Variants in GPR158 observed in about 807,000 individuals in gnomAD.
GPR158 encodes the protein metabotropic glycine receptor.
Under a neutral mutation model 78.2 loss-of-function variants are expected in GPR158, and 30 were observed. The observed-to-expected ratio is 0.38, with a 90% CI of 0.29 to 0.52. The LOEUF is 0.52. Among genes scored for constraint, GPR158 ranks in the 20% least tolerant of loss-of-function variants. The pLI is 0.83. For synonymous variants in GPR158, 581 were observed against 591.1 expected, an observed-to-expected ratio of 0.98 and a Z score of 0.25; for missense variants, 1,463 against 1,523.5, an observed-to-expected ratio of 0.96 and a Z score of 0.66.
In GPR158 at chr10:25,530,844, G is replaced by T. The variant is rs1443464902; in HGVS notation, c.1405-20132G>T. ...CAGTACTAAGCCCTTTTCCAGCCTT[G>T]TGTCAGCTCTCTGGTCTGCTGGAGA... is the stretch of plus-strand genomic sequence containing the variant. On this transcript the variant is annotated intron_variant, in intron 5 of 10. Transcript: ENST00000376351. Among the ~76,000 whole-genome samples, 4 of 152,152 alleles carry T rather than the reference G, an allele frequency of 2.6e-5. 1 individual carries two copies. Among genetic ancestry groups the T allele is most frequent in the South Asian group, 4.1e-4 (2 of 4,830 alleles).
At chr10:25,262,875 T>C (rs894126968) in intron 2 of GPR158, among the ~76,000 whole-genome samples, 4 of 152,230 alleles carry the variant, frequency 2.6e-5, no homozygotes, top group Non-Finnish European at 1.5e-5. Flanking sequence ...TGTGTATTCT[T>C]TGCCTATTTT....
At chr10:25,206,098 G>A (rs1853025542) in intron 1 of GPR158, among the ~76,000 whole-genome samples, 1 of 150,926 alleles carries the variant, frequency 6.6e-6, no homozygotes, top group Admixed American at 6.6e-5. Flanking sequence ...CCATTCTCCT[G>A]CCTCAGCCTC....
chr10:25,507,718 T>G (rs1836031726), intron 5 of GPR158, among the ~76,000 whole-genome samples: 1 of 152,176 alleles, frequency 6.6e-6, no homozygotes, highest in Non-Finnish European at 1.5e-5. Context: ...TATTTTAAAA[T>G]AAAATTATCA....
intron 5 of GPR158, among the ~76,000 whole-genome samples, chr10:25,517,600 A>G (rs1268259146): frequency 6.6e-6 from 1 of 152,074 alleles, no homozygotes; most frequent in African/African-American, 2.4e-5. Flanking sequence ...GAATTTTGTC[A>G]AAGGCCTTTT....
At chr10:25,266,640 T>C (rs1408210453) in intron 2 of GPR158, among the ~76,000 whole-genome samples, 1 of 152,168 alleles carries the variant, frequency 6.6e-6, no homozygotes. Flanking sequence ...TTCCTTTTTT[T>C]TTGTGCTGTA....
At chr10:25,570,346 C>T (rs189627302) in intron 6 of GPR158, among the ~76,000 whole-genome samples, 13 of 152,300 alleles carry the variant, frequency 8.5e-5, no homozygotes, top group African/African-American at 2.9e-4. Context: ...ATTTAAAACA[C>T]AAATAATTAC....
chr10:25,202,393 T>C (rs1852944064), intron 1 of GPR158, among the ~76,000 whole-genome samples: 1 of 152,098 alleles, frequency 6.6e-6, no homozygotes, highest in Non-Finnish European at 1.5e-5. Flanking sequence ...CCTAATGCTA[T>C]CTCTACCCAC....
chr10:25,272,370 T>C (rs1231692351), intron 2 of GPR158, among the ~76,000 whole-genome samples: 1 of 152,214 alleles, frequency 6.6e-6, no homozygotes, highest in African/African-American at 2.4e-5. Flanking sequence ...ATAATAGAAA[T>C]AGTATAATGT....
At chr10:25,547,121 T>C (rs1315575482) in intron 5 of GPR158, among the ~76,000 whole-genome samples, 6 of 152,110 alleles carry the variant, frequency 3.9e-5, no homozygotes, top group African/African-American at 9.7e-5. Context: ...GAATAAGAAA[T>C]AGGAAAATGT....
At position 25,250,810 on chromosome 10, in the gene GPR158, C is replaced by A. The variant is rs909853550; in HGVS notation, c.1008+29653C>A. On this transcript the variant is annotated intron_variant, in intron 2 of 10. Transcript: ENST00000376351. ...TTCTGTTGATTTGGGGTGGAGAGTTCTGTAGATGTCTATTAGGTCCGCTTG... is the reference window on the plus strand; with the variant it reads ...TTCTGTTGATTTGGGGTGGAGAGTTATGTAGATGTCTATTAGGTCCGCTTG... 8.5e-4 allele frequency among the ~76,000 whole-genome samples: 128 copies of A among 149,844 alleles called. 1 individual carries two copies. Among genetic ancestry groups the A allele is most frequent in the Non-Finnish European group, 7.8e-4 (53 of 67,800 alleles).
At chr10:25,494,223 A>G (rs910910958) in intron 5 of GPR158, among the ~76,000 whole-genome samples, 1 of 152,192 alleles carries the variant, frequency 6.6e-6, no homozygotes, top group African/African-American at 2.4e-5. Flanking sequence ...GTGTAATAGT[A>G]TTGCTAAATA....
At chr10:25,245,959 A>G (rs1240982299) in intron 2 of GPR158, among the ~76,000 whole-genome samples, 1 of 152,236 alleles carries the variant, frequency 6.6e-6, no homozygotes, top group Non-Finnish European at 1.5e-5. Context: ...TCTTTGCTAT[A>G]AAATAGAATT....
chr10:25,419,784 C>T (rs866565586), intron 4 of GPR158, among the ~76,000 whole-genome samples: 2 of 152,050 alleles, frequency 1.3e-5, no homozygotes, highest in South Asian at 2.1e-4. Context: ...TTTTCATGTG[C>T]CATGAGCCAT....
intron 6 of GPR158, among the ~76,000 whole-genome samples, chr10:25,568,576 AG>A (rs1836963382): frequency 6.6e-6 from 1 of 152,196 alleles, no homozygotes; most frequent in African/African-American, 2.4e-5. Flanking sequence ...TAGCTCTTGG[AG>A]GAAGGTCATG....
At chr10:25,232,037 G>C (rs955670000) in intron 2 of GPR158, among the ~76,000 whole-genome samples, 17 of 152,078 alleles carry the variant, frequency 1.1e-4, no homozygotes, top group African/African-American at 3.9e-4. Context: ...AGACTTTCTT[G>C]ATCTTTTCAA....
intron 2 of GPR158, among the ~76,000 whole-genome samples, chr10:25,373,278 G>A (rs1834028323): frequency 1.3e-5 from 2 of 151,862 alleles, no homozygotes; most frequent in Non-Finnish European, 2.9e-5. Context: ...AGACACTGGG[G>A]CCCACTGGAA....
chr10:25,538,583 C>A (rs1836532230), intron 5 of GPR158, among the ~76,000 whole-genome samples: 2 of 152,104 alleles, frequency 1.3e-5, no homozygotes, highest in South Asian at 4.1e-4. Context: ...GCCTCGAACT[C>A]CTGGCCGTAA....
intron 2 of GPR158, among the ~76,000 whole-genome samples, chr10:25,288,315 G>C (rs1358912969): frequency 1.3e-5 from 2 of 152,186 alleles, no homozygotes; most frequent in African/African-American, 4.8e-5. Context: ...GGGTACTTCA[G>C]AATTCTGAAG....
At chr10:25,513,404 G>T (rs1836111979) in intron 5 of GPR158, among the ~76,000 whole-genome samples, 1 of 151,266 alleles carries the variant, frequency 6.6e-6, no homozygotes, top group East Asian at 1.9e-4. Context: ...AGCTTATTTG[G>T]ATCTTCTCTC....
Sources: gnomAD v4.1 joint callset for allele counts (sites outside exome capture counted in the v4.1 genomes callset) on GRCh38, gnomAD v4.1.1 for gene constraint, MANE v1.5 for transcripts, NCBI Gene and HGNC (gene_info 2026-07-23, HGNC 2026-07-21) for gene names.